Variants in KLF8 observed in about 807,000 individuals in gnomAD.
KLF8 encodes KLF transcription factor 8.
KLF8 carries 10 observed loss-of-function variants against 18.2 expected under a neutral mutation model. The observed-to-expected ratio is 0.55, with a 90% CI of 0.34 to 0.93. The LOEUF is 0.93. Ranked by LOEUF, KLF8 falls within the 40% of genes least tolerant of loss-of-function variation. The probability of loss-of-function intolerance (pLI) is 0.02; values close to 1 mark genes in which losing one functional copy is unlikely to be tolerated. For synonymous variants in KLF8, 109 were observed against 97.3 expected (o/e 1.12, Z -0.71); for missense variants, 264 against 277.9 (o/e 0.95, Z 0.36).
chrX:55,987,963 A>G, the KLF8 span, among the ~76,000 whole-genome samples: 3 of 112,102 alleles, frequency 2.7e-5, no homozygotes, highest in Non-Finnish European at 5.6e-5. Context: ...GATGATGAGC[A>G]TTTTTTCTTG....
the KLF8 span, among the ~76,000 whole-genome samples, chrX:56,109,245 A>G: frequency 9.0e-6 from 1 of 110,612 alleles, no homozygotes; most frequent in Non-Finnish European, 1.9e-5. Flanking sequence ...GAAATCAACA[A>G]TTCACCAGGC....
chrX:56,161,888 C>T, the KLF8 span, among the ~76,000 whole-genome samples: 23 of 111,525 alleles, frequency 2.1e-4, no homozygotes, highest in African/African-American at 7.5e-4. Flanking sequence ...GTTTTTTCCC[C>T]ATCTTTGTGG....
chrX:56,156,248 T>A, the KLF8 span, among the ~76,000 whole-genome samples: 2 of 112,245 alleles, frequency 1.8e-5, no homozygotes, highest in African/African-American at 6.5e-5. Flanking sequence ...TTGTTTTCGC[T>A]TTTAAGTTCA....
At chrX:55,930,026 C>T in the KLF8 span, among the ~76,000 whole-genome samples, 1 of 110,754 alleles carries the variant, frequency 9.0e-6, no homozygotes, top group Admixed American at 9.7e-5. Flanking sequence ...ATGAAATATT[C>T]TTCCATTGGT....
At chrX:56,078,018 T>A in the KLF8 span, among the ~76,000 whole-genome samples, 5 of 112,251 alleles carry the variant, frequency 4.5e-5, no homozygotes, top group Admixed American at 1.9e-4. Flanking sequence ...CTGAAGTTGC[T>A]TATCAGCTTA....
chrX:56,003,526 G>GA, the KLF8 span, among the ~76,000 whole-genome samples: 4 of 110,542 alleles, frequency 3.6e-5, no homozygotes, highest in African/African-American at 6.6e-5. Context: ...CAGTGGGATT[G>GA]AAAAAAAAGA....
the KLF8 span, among the ~76,000 whole-genome samples, chrX:56,071,708 T>G: frequency 8.9e-6 from 1 of 111,980 alleles, no homozygotes; most frequent in Non-Finnish European, 1.9e-5. Context: ...AAACAGTACC[T>G]AATTTGGTCA....
the KLF8 span, among the ~76,000 whole-genome samples, chrX:56,151,750 G>A: frequency 3.9e-3 from 428 of 111,166 alleles, 1 homozygote; most frequent in Non-Finnish European, 6.6e-3. Context: ...AGAGATGTGA[G>A]TTGAAGATAT....
chrX:56,221,862 C>CG, the KLF8 span, among the ~76,000 whole-genome samples: 1 of 111,670 alleles, frequency 9.0e-6, no homozygotes, highest in Non-Finnish European at 1.9e-5. Flanking sequence ...ACTGCTGGCT[C>CG]GGGCAGCCTG....
Position 56,264,339 on chromosome X carries a change from TAATGTATTTATTGGTTTTTTAAACTAATA to T in KLF8, c.82-779_82-751del, listed in dbSNP as rs1569185094. On this transcript the variant is annotated intron_variant, in intron 2 of 5. Transcript: ENST00000468660. ...AAATGTATTTATTAGTTTTTTAAAC[TAATGTATTTATTGGTTTTTTAAACTAATA>T]AATGTATTTATTGGTTTTTTAAACT... is the stretch of plus-strand genomic sequence containing the variant. Among the ~76,000 whole-genome samples the T allele has an allele frequency of 2.3e-3, 240 of 105,385 alleles. 1 individual carries two copies. The highest frequency in any genetic ancestry group is 3.6e-3 in the Non-Finnish European group (187 of 51,418). 91.5% of individuals were successfully genotyped at this position (105,385 alleles called of 115,157 possible). A position where few individuals can be genotyped will look rare whatever the true frequency, so the allele number is the denominator to read the frequency against.
intron 1 of KLF8, among the ~76,000 whole-genome samples, chrX:56,249,565 A>T (rs2066674654): frequency 9.3e-6 from 1 of 106,958 alleles, no homozygotes; most frequent in Non-Finnish European, 2.0e-5. Context: ...GAAATCTTTT[A>T]ATCATAGATG....
At chrX:55,996,388 G>A in the KLF8 span, among the ~76,000 whole-genome samples, 1 of 111,947 alleles carries the variant, frequency 8.9e-6, no homozygotes, top group Non-Finnish European at 1.9e-5. Flanking sequence ...GTCTGGTTTA[G>A]AGCCATTGCT....
chrX:56,272,747 C>G (rs1459256515), intron 5 of KLF8, among the ~76,000 whole-genome samples: 1 of 111,254 alleles, frequency 9.0e-6, no homozygotes, highest in Non-Finnish European at 1.9e-5. Context: ...CACTACAATT[C>G]ATTCTCCACA....
chrX:56,096,780 G>A, the KLF8 span, among the ~76,000 whole-genome samples: 8 of 110,801 alleles, frequency 7.2e-5, no homozygotes, highest in Admixed American at 4.8e-4. Context: ...TAAAAATGGA[G>A]ATTATGTAAA....
chrX:56,052,873 C>T, the KLF8 span, among the ~76,000 whole-genome samples: 39 of 111,537 alleles, frequency 3.5e-4, no homozygotes, highest in East Asian at 2.0e-3. Flanking sequence ...CAGCCTCCTG[C>T]GGCCTTGCAG....
At chrX:56,219,104 G>A in the KLF8 span, among the ~76,000 whole-genome samples, 4 of 112,107 alleles carry the variant, frequency 3.6e-5, no homozygotes, top group African/African-American at 1.3e-4. Flanking sequence ...GTCATAATGT[G>A]CTGTAGAAGT....
the KLF8 span, among the ~76,000 whole-genome samples, chrX:56,225,382 T>A: frequency 2.7e-5 from 3 of 111,151 alleles, no homozygotes; most frequent in African/African-American, 6.6e-5. Context: ...TAGGGGTCTT[T>A]ATTATTTTTC....
chrX:55,952,130 C>G, the KLF8 span, among the ~76,000 whole-genome samples: 1 of 111,874 alleles, frequency 8.9e-6, no homozygotes, highest in Non-Finnish European at 1.9e-5. Flanking sequence ...TTATTCATTT[C>G]TCAAACGGGA....
At chrX:56,050,875 G>C in the KLF8 span, among the ~76,000 whole-genome samples, 1 of 109,298 alleles carries the variant, frequency 9.1e-6, no homozygotes, top group Non-Finnish European at 1.9e-5. Context: ...GGGTGTTAAA[G>C]TCTCCCATTA....
Sources: allele counts gnomAD v4.1 joint callset (sites outside exome capture counted in the v4.1 genomes callset), GRCh38; gene constraint gnomAD v4.1.1; transcripts MANE v1.5; gene names NCBI Gene and HGNC (gene_info 2026-07-23, HGNC 2026-07-21).